Variants in KHDRBS2 observed in about 807,000 individuals in gnomAD.
KHDRBS2 encodes KH domain-containing, RNA-binding, signal transduction-associated protein 2.
In KHDRBS2, 26 loss-of-function variants were observed where a neutral mutation model predicts 44.3. That is an observed-to-expected ratio of 0.59 (90% CI 0.43 to 0.81). KHDRBS2 has a LOEUF of 0.81. Among genes scored for constraint, KHDRBS2 ranks in the 40% least tolerant of loss-of-function variants. The pLI is 0.00. For synonymous variants in KHDRBS2, 194 were observed against 151.1 expected (o/e 1.28, Z -2.08); for missense variants, 476 against 433.1 (o/e 1.10, Z -0.88).
chr6:61,637,885 G>GT, the KHDRBS2 span, among the ~76,000 whole-genome samples: 1 of 151,956 alleles, frequency 6.6e-6, no homozygotes, highest in Non-Finnish European at 1.5e-5. Context: ...GGGGGTGTTT[G>GT]TTTTTTTCTT....
At chr6:62,241,764 T>G (rs1396279245) in intron 1 of KHDRBS2, among the ~76,000 whole-genome samples, 3 of 148,402 alleles carry the variant, frequency 2.0e-5, no homozygotes, top group African/African-American at 7.9e-5. Context: ...CTCAAAAAAG[T>G]TAGCAATAAT....
chr6:62,067,069 A>G (rs565207032), intron 2 of KHDRBS2, among the ~76,000 whole-genome samples: 1 of 151,672 alleles, frequency 6.6e-6, no homozygotes, highest in South Asian at 2.1e-4. Flanking sequence ...CAAACTGTTT[A>G]GTATCTCATT....
At chr6:62,264,243 T>C (rs975137018) in intron 1 of KHDRBS2, among the ~76,000 whole-genome samples, 24 of 151,984 alleles carry the variant, frequency 1.6e-4, no homozygotes, top group African/African-American at 5.8e-4. Context: ...TAATATGCTT[T>C]ATGTTCCTTA....
intron 2 of KHDRBS2, among the ~76,000 whole-genome samples, chr6:62,104,374 G>A (rs1187652590): frequency 3.3e-5 from 5 of 151,840 alleles, no homozygotes; most frequent in Non-Finnish European, 2.9e-5. Flanking sequence ...CATGTGCCAT[G>A]CTGGTGCACT....
intron 6 of KHDRBS2, among the ~76,000 whole-genome samples, chr6:61,823,197 A>G (rs1790261291): frequency 6.6e-6 from 1 of 152,042 alleles, no homozygotes. Flanking sequence ...CAACCAAGGA[A>G]GGAGGGTTGG....
At chr6:62,270,199 C>T (rs924659622) in intron 1 of KHDRBS2, among the ~76,000 whole-genome samples, 20 of 151,472 alleles carry the variant, frequency 1.3e-4, no homozygotes. Context: ...TGGCTTGGTG[C>T]CTTTCCTACA....
At chr6:61,933,593 C>T (rs374120878) in intron 4 of KHDRBS2, among the ~76,000 whole-genome samples, 1 of 152,150 alleles carries the variant, frequency 6.6e-6, no homozygotes, top group Non-Finnish European at 1.5e-5. Flanking sequence ...GCCTACCACA[C>T]ACCTAGGCTT....
At chr6:61,946,216 C>G (rs1156401279) in intron 4 of KHDRBS2, among the ~76,000 whole-genome samples, 1 of 152,186 alleles carries the variant, frequency 6.6e-6, no homozygotes, top group Non-Finnish European at 1.5e-5. Context: ...CTACTCTCTC[C>G]TCTTATTACT....
rs142957185 is a variant in KHDRBS2 at position 61,948,148 on chromosome 6, C to T, written c.483+29918G>A. Among the ~76,000 whole-genome samples, 159 of 151,710 alleles carry T rather than the reference C, an allele frequency of 1.0e-3. 1 individual carries two copies. Among genetic ancestry groups the T allele is most frequent in the African/African-American group, 3.6e-3 (148 of 41,434 alleles). Reference sequence around the variant, plus strand: ...GCAGATACTTGGAAAGAAACCATTCCGAGAAAGCAAATGACAATAAGAAAT... The same window carrying T: ...GCAGATACTTGGAAAGAAACCATTCTGAGAAAGCAAATGACAATAAGAAAT... On this transcript the variant is annotated intron_variant, in intron 4 of 8. Coordinates refer to ENST00000281156, the MANE Select transcript of KHDRBS2 (RefSeq NM_152688.4).
rs181313832 is a variant in KHDRBS2, at chr6:62,110,056, T to A, written c.220-62062A>T. Among the ~76,000 whole-genome samples the A allele has an allele frequency of 8.0e-4, 122 of 152,002 alleles. 1 individual carries two copies. In the Middle Eastern group the frequency reaches 0.031, roughly 38 times the overall value. The stretch of plus-strand genomic sequence containing the variant: ...AAATTGATCTTCATCAAAATTAAAA[T>A]TTCTGCTCAAGTGGATAAAACGACA... On this transcript the variant is annotated intron_variant, in intron 2 of 8. Coordinates refer to ENST00000281156, the MANE Select transcript of KHDRBS2 (RefSeq NM_152688.4).
chr6:61,891,724 T>C (rs570016484), intron 6 of KHDRBS2, among the ~76,000 whole-genome samples: 1 of 152,276 alleles, frequency 6.6e-6, no homozygotes, highest in South Asian at 2.1e-4. Flanking sequence ...AAACTCTCAA[T>C]AAATTAGGTA....
At chr6:62,006,678 T>C (rs1779291893) in intron 3 of KHDRBS2, among the ~76,000 whole-genome samples, 2 of 152,034 alleles carry the variant, frequency 1.3e-5, no homozygotes, top group South Asian at 4.1e-4. Flanking sequence ...TACAAGACCA[T>C]AGTAAACGTT....
At chr6:62,044,344 C>T (rs202044803) in intron 3 of KHDRBS2, among the ~76,000 whole-genome samples, 5 of 151,736 alleles carry the variant, frequency 3.3e-5, no homozygotes, top group African/African-American at 9.7e-5. Context: ...GGTGTGGTGG[C>T]GTTCACCTGT....
At chr6:62,024,172 T>C (rs1389423602) in intron 3 of KHDRBS2, among the ~76,000 whole-genome samples, 2 of 151,428 alleles carry the variant, frequency 1.3e-5, no homozygotes, top group Non-Finnish European at 3.0e-5. Flanking sequence ...TCATCTTGGA[T>C]AAATCTAAGG....
At chr6:61,667,161 C>T in the KHDRBS2 span, among the ~76,000 whole-genome samples, 2 of 144,754 alleles carry the variant, frequency 1.4e-5, no homozygotes, top group East Asian at 4.1e-4. Context: ...GATGGAAGGA[C>T]AAATGTAAGG....
At chr6:61,989,871 A>G (rs1295051158) in intron 3 of KHDRBS2, among the ~76,000 whole-genome samples, 1 of 152,182 alleles carries the variant, frequency 6.6e-6, no homozygotes, top group Non-Finnish European at 1.5e-5. Context: ...CCACCTTAGC[A>G]TAGAACAGGG....
the KHDRBS2 span, among the ~76,000 whole-genome samples, chr6:61,622,533 G>A: frequency 6.6e-6 from 1 of 152,192 alleles, no homozygotes; most frequent in Non-Finnish European, 1.5e-5. Flanking sequence ...AATATGCAAA[G>A]ATGTCTTCAT....
At chr6:61,778,355 A>T (rs1368799768) in intron 6 of KHDRBS2, among the ~76,000 whole-genome samples, 2 of 152,118 alleles carry the variant, frequency 1.3e-5, no homozygotes, top group African/African-American at 4.8e-5. Flanking sequence ...AATCTTTATC[A>T]TAACTCATTG....
the KHDRBS2 span, among the ~76,000 whole-genome samples, chr6:61,664,939 C>T: frequency 6.6e-6 from 1 of 151,508 alleles, no homozygotes; most frequent in Non-Finnish European, 1.5e-5. Context: ...TAACTTACTT[C>T]TAATTTTTAA....
Sources: allele counts gnomAD v4.1 joint callset (sites outside exome capture counted in the v4.1 genomes callset), GRCh38; gene constraint gnomAD v4.1.1; transcripts MANE v1.5; gene names NCBI Gene and HGNC (gene_info 2026-07-23, HGNC 2026-07-21).